Variants in VPS52 observed in about 807,000 individuals in gnomAD.
VPS52 encodes the protein vacuolar protein sorting-associated protein 52 homolog.
In VPS52, 56 loss-of-function variants were observed where a neutral mutation model predicts 98.7. That is an observed-to-expected ratio of 0.57 (90% CI 0.46 to 0.71). The LOEUF (loss-of-function observed/expected upper bound fraction) is 0.71. Ranked by LOEUF, VPS52 falls within the 30% of genes least tolerant of loss-of-function variation. The pLI is 0.00. For synonymous variants in VPS52, 348 were observed against 346.4 expected (o/e 1.00, Z -0.05); for missense variants, 742 against 925.9 (o/e 0.80, Z 2.58).
intron 14 of VPS52, 48 bp downstream of exon 14, chr6:33,264,326 T>C (rs936105692): frequency 1.9e-6 from 3 of 1,606,670 alleles, no homozygotes; most frequent in Non-Finnish European, 2.6e-6. Flanking sequence ...CAATGATGCT[T>C]AGAGCCCTGC....
At chr6:33,264,700 A>G in intron 13 of VPS52, 82 bp downstream of exon 13, 1 of 1,433,772 alleles carries the variant, frequency 7.0e-7, no homozygotes, top group South Asian at 1.1e-5. Context: ...CCAGGTCAGT[A>G]GGAGTCTAAG....
chr6:33,269,472 C>A lies in VPS52; in HGVS notation c.372+18G>T. 1 of 1,613,098 alleles carries A rather than the reference C, an allele frequency of 6.2e-7. No individual in the cohort carries two copies. The highest frequency in any genetic ancestry group is 8.5e-7 in the Non-Finnish European group (1 of 1,179,978). On this transcript the variant is annotated intron_variant, in intron 5 of 19. Transcript: ENST00000445902. ...GGTTCAGAGTAGCTATTAGGGGTCACAGGTCATGATTACTAACCTCCAGGA... is the reference window on the plus strand; with the variant it reads ...GGTTCAGAGTAGCTATTAGGGGTCAAAGGTCATGATTACTAACCTCCAGGA...
intron 17 of VPS52, among the ~76,000 whole-genome samples, chr6:33,256,676 A>G (rs1315608996): frequency 6.6e-6 from 1 of 151,332 alleles, no homozygotes; most frequent in East Asian, 1.9e-4. Context: ...CCCCATCTCT[A>G]CTAAAAATAC....
In VPS52 at chr6:33,267,458, C is replaced by A. The variant is rs1764474297; in HGVS notation, c.992-137G>T. Reference sequence around the variant, plus strand: ...GTACTAGGGCCCCACGTGCTGACATCTGTGAATGGGCTTCAGGGTGTCTCT... The same window carrying A: ...GTACTAGGGCCCCACGTGCTGACATATGTGAATGGGCTTCAGGGTGTCTCT... On this transcript the variant is annotated intron_variant, in intron 10 of 19. Transcript: ENST00000445902. The surrounding 1 kb of genome is among the most constrained non-coding windows in gnomAD (Gnocchi z 4.2). The A allele has an allele frequency of 7.2e-7, 1 of 1,380,472 alleles. No homozygotes were observed. Among genetic ancestry groups the A allele is most frequent in the African/African-American group, 1.5e-5 (1 of 68,854 alleles). 85.5% of individuals were successfully genotyped at this position (1,380,472 alleles called of 1,614,324 possible).
chr6:33,266,781 G>C, intron 11 of VPS52, 69 bp from the exon 12 acceptor site: 1 of 1,533,672 alleles, frequency 6.5e-7, no homozygotes, highest in South Asian at 1.2e-5. Flanking sequence ...CATGGATATG[G>C]CTGGAAAATC....
chr6:33,250,538 C>A lies in VPS52; in HGVS notation c.*303G>T. 2.8e-6 allele frequency: 1 copy of A among 356,792 alleles called. No homozygotes were observed. Among genetic ancestry groups the A allele is most frequent in the South Asian group, 5.3e-5 (1 of 18,818 alleles). The allele number at this position is 356,792 out of a possible 1,614,324, so 22.1% of individuals were successfully genotyped here. A position where few individuals can be genotyped will look rare whatever the true frequency, so the allele number is the denominator to read the frequency against. ...GCAGTGGTTTTTACAGGGGAAGAAA[C>A]AAGCCTTGGGTGTATGGGAGCAGGA... On this transcript the variant is annotated 3_prime_UTR_variant, in exon 20 of 20. Coordinates refer to ENST00000445902, the MANE Select transcript of VPS52 (RefSeq NM_022553.6).
Position 33,271,672 on chromosome 6 carries a change from C to A in VPS52, c.4G>T (p.Ala2Ser). 1 of 1,606,922 alleles carries A rather than the reference C, an allele frequency of 6.2e-7. No homozygotes were observed. The highest frequency in any genetic ancestry group is 8.5e-7 in the Non-Finnish European group (1 of 1,176,238). MAAAATMAAAAR... is the reference protein window; with the variant it reads MSAAATMAAAAR... ...GCAGCCGCCATGGTCGCAGCGGCGGCCATTCCCCGCAGCCTCACTTCCGGC... is the reference window on the plus strand; with the variant it reads ...GCAGCCGCCATGGTCGCAGCGGCGGACATTCCCCGCAGCCTCACTTCCGGC... The change falls in exon 1 of 20, where the codon GCC becomes TCC. Residue 2 changes from alanine to serine, a missense_variant. Physicochemically the swap from Ala to Ser is moderately conservative, Grantham distance 99. Coordinates refer to ENST00000445902, the MANE Select transcript of VPS52 (RefSeq NM_022553.6).
intron 2 of VPS52, 32 bp from the exon 3 acceptor site, chr6:33,270,083 C>T: frequency 6.2e-7 from 1 of 1,614,050 alleles, no homozygotes. Context: ...AAGGGTCCAG[C>T]TCCACAGCTC....
intron 1 of VPS52, chr6:33,271,331 C>T (rs187000611): frequency 2.9e-6 from 2 of 681,100 alleles, no homozygotes; most frequent in African/African-American, 1.8e-5. Context: ...ATGTTCTTAA[C>T]CTTTACACTA....
chr6:33,254,319 A>C (rs1219067124), intron 17 of VPS52, among the ~76,000 whole-genome samples: 1 of 152,170 alleles, frequency 6.6e-6, no homozygotes, highest in Non-Finnish European at 1.5e-5. Flanking sequence ...TATCTTTTCT[A>C]TTCTTCCCTC....
rs1247096940 is a variant in VPS52 at position 33,271,808 on chromosome 6, C to T, written c.-133G>A. 1.4e-6 allele frequency: 2 copies of T among 1,452,938 alleles called. No individual in the cohort carries two copies. The highest frequency in any genetic ancestry group is 5.2e-5 in the Admixed American group (2 of 38,540). 90.0% of individuals were successfully genotyped at this position (1,452,938 alleles called of 1,614,324 possible). ...TTTGAGTTAAGTTGTTTGACTCCAGCTGTCCCCTTTCAGCTCTAACCACTT... is the reference window on the plus strand; with the variant it reads ...TTTGAGTTAAGTTGTTTGACTCCAGTTGTCCCCTTTCAGCTCTAACCACTT... On this transcript the variant is annotated 5_prime_UTR_variant, in exon 1 of 20. Transcript: ENST00000445902.
intron 17 of VPS52, among the ~76,000 whole-genome samples, chr6:33,262,646 AAAGAAAATGTGGGATATATACAC>A (rs1402036794): frequency 2.0e-5 from 3 of 152,230 alleles, no homozygotes; most frequent in African/African-American, 7.2e-5. Flanking sequence ...ATGAATGGGT[AAAGAAAATGTGGGATATATACAC>A]AATGGAGTAC....
At chr6:33,256,119 T>C (rs1038946484) in intron 17 of VPS52, among the ~76,000 whole-genome samples, 1 of 152,112 alleles carries the variant, frequency 6.6e-6, no homozygotes, top group African/African-American at 2.4e-5. Context: ...ATACGTATTA[T>C]ACCCACCTAA....
At chr6:33,254,784 ACCT>A (rs1021819321) in intron 17 of VPS52, 1 of 151,652 alleles carries the variant, frequency 6.6e-6, no homozygotes, top group Non-Finnish European at 1.5e-5. Flanking sequence ...TGATTATCCC[ACCT>A]CAGCCTCCTG....
intron 17 of VPS52, among the ~76,000 whole-genome samples, chr6:33,258,460 A>G (rs1425235055): frequency 7.7e-4 from 72 of 93,262 alleles, no homozygotes; most frequent in Non-Finnish European, 2.0e-4. Context: ...CCCTCATCTC[A>G]CCAAAAAAAA....
At chr6:33,269,351 TAAC>T in intron 5 of VPS52, 136 bp downstream of exon 5, 1 of 1,426,088 alleles carries the variant, frequency 7.0e-7, no homozygotes, top group Non-Finnish European at 9.7e-7. Flanking sequence ...ATGGCAGTAA[TAAC>T]AAAAAAGGCT....
chr6:33,259,813 C>A (rs1244056999), intron 17 of VPS52, among the ~76,000 whole-genome samples: 5 of 151,850 alleles, frequency 3.3e-5, no homozygotes, highest in Admixed American at 3.3e-4. Flanking sequence ...GATAATACCA[C>A]ATGTTGGAGA....
chr6:33,268,488 C>G lies in VPS52; in HGVS notation c.699+11G>C. The G allele has an allele frequency of 1.3e-6, 2 of 1,585,904 alleles. No individual in the cohort carries two copies. Among genetic ancestry groups the G allele is most frequent in the Non-Finnish European group, 1.7e-6 (2 of 1,163,998 alleles). On this transcript the variant is annotated intron_variant, in intron 7 of 19. Transcript: ENST00000445902. The surrounding 1 kb of genome is among the most constrained non-coding windows in gnomAD (Gnocchi z 4.0). ...CCAGTAGCCTCCAGGGTATCCATCC[C>G]TACTTCCCACCTTGACCCGGAGCCG...
At chr6:33,266,367 AG>A (rs1764309273) in intron 12 of VPS52, among the ~76,000 whole-genome samples, 189 bp downstream of exon 12, 1 of 151,966 alleles carries the variant, frequency 6.6e-6, no homozygotes, top group South Asian at 2.1e-4. Flanking sequence ...TCCTGAGCTC[AG>A]GCAATCCTAC....
Sources: gnomAD v4.1 joint callset for allele counts (sites outside exome capture counted in the v4.1 genomes callset) on GRCh38, gnomAD v4.1.1 for gene constraint, Gnocchi (gnomAD v3.1) non-coding constraint, MANE v1.5 for transcripts, NCBI Gene and HGNC (gene_info 2026-07-23, HGNC 2026-07-21) for gene names.